The following SLC24A2 variants were observed in gnomAD, a reference collection of about 807,000 sequenced individuals.
SLC24A2 encodes the protein sodium/potassium/calcium exchanger 2.
Under a neutral mutation model 62.0 loss-of-function variants are expected in SLC24A2, and 36 were observed. That is an observed-to-expected ratio of 0.58 (90% CI 0.44 to 0.77). SLC24A2 has a LOEUF of 0.77. Among genes scored for constraint, SLC24A2 ranks in the 30% least tolerant of loss-of-function variants. The pLI is 0.00. For synonymous variants in SLC24A2, 358 were observed against 294.0 expected (o/e 1.22, Z -2.23); for missense variants, 846 against 817.9 (o/e 1.03, Z -0.42).
At chr9:20,081,851 A>G in the SLC24A2 span, among the ~76,000 whole-genome samples, 1 of 152,144 alleles carries the variant, frequency 6.6e-6, no homozygotes, top group Non-Finnish European at 1.5e-5. Context: ...TTTATAACCT[A>G]AACCCAACAT....
chr9:19,658,245 T>G (rs1200069398), intron 2 of SLC24A2, among the ~76,000 whole-genome samples: 1 of 148,114 alleles, frequency 6.8e-6, no homozygotes, highest in Non-Finnish European at 1.5e-5. Context: ...TTCACAAAGG[T>G]GATATCTCTA....
At chr9:19,672,892 G>C (rs1224385485) in intron 2 of SLC24A2, among the ~76,000 whole-genome samples, 1 of 146,308 alleles carries the variant, frequency 6.8e-6, no homozygotes, top group Admixed American at 6.7e-5. Context: ...ACTGTTGTCT[G>C]AGACAGTACT....
the SLC24A2 span, among the ~76,000 whole-genome samples, chr9:20,284,460 T>C: frequency 6.6e-6 from 1 of 152,002 alleles, no homozygotes; most frequent in Non-Finnish European, 1.5e-5. Context: ...ATTATCTTAA[T>C]AACTGCAGAG....
chr9:20,026,016 CAGA>C, the SLC24A2 span, among the ~76,000 whole-genome samples: 1 of 152,284 alleles, frequency 6.6e-6, no homozygotes, highest in African/African-American at 2.4e-5. Context: ...GTTCTCTAGT[CAGA>C]AGAACTTGTT....
the SLC24A2 span, among the ~76,000 whole-genome samples, chr9:19,976,028 C>T: frequency 1.3e-5 from 2 of 152,082 alleles, no homozygotes; most frequent in Admixed American, 1.3e-4. Context: ...AGGCCCGTGG[C>T]ACCACACCCA....
chr9:20,255,457 G>C, the SLC24A2 span, among the ~76,000 whole-genome samples: 1 of 152,178 alleles, frequency 6.6e-6, no homozygotes, highest in South Asian at 2.1e-4. Context: ...CTGCAGTTTG[G>C]GAAGAACTCA....
At chr9:19,785,206 T>C (rs935579461) in intron 2 of SLC24A2, among the ~76,000 whole-genome samples, 1 of 152,240 alleles carries the variant, frequency 6.6e-6, no homozygotes, top group African/African-American at 2.4e-5. Flanking sequence ...TGCTTTCCAC[T>C]CACCTAAGTG....
the SLC24A2 span, among the ~76,000 whole-genome samples, chr9:20,298,536 A>G: frequency 2.6e-5 from 4 of 152,296 alleles, no homozygotes; most frequent in South Asian, 4.2e-4. Flanking sequence ...GTCCAGAAAG[A>G]CTAATTTTCA....
At chr9:19,931,189 G>C in the SLC24A2 span, among the ~76,000 whole-genome samples, 1 of 152,178 alleles carries the variant, frequency 6.6e-6, no homozygotes, top group Admixed American at 6.5e-5. Context: ...TTCCAGCCAA[G>C]TAAGACAATC....
the SLC24A2 span, among the ~76,000 whole-genome samples, chr9:20,110,465 T>G: frequency 6.6e-6 from 1 of 151,980 alleles, no homozygotes; most frequent in African/African-American, 2.4e-5. Context: ...GCACTTTTTT[T>G]TTTCACTCTT....
chr9:19,746,206 C>G (rs2118788775), intron 2 of SLC24A2, among the ~76,000 whole-genome samples: 1 of 151,746 alleles, frequency 6.6e-6, no homozygotes, highest in South Asian at 2.1e-4. Flanking sequence ...CTCTCTTGTT[C>G]TCAGTGCCTA....
the SLC24A2 span, among the ~76,000 whole-genome samples, chr9:20,217,056 A>G: frequency 6.6e-6 from 1 of 152,198 alleles, no homozygotes; most frequent in Non-Finnish European, 1.5e-5. Flanking sequence ...ACCCCCAAAC[A>G]GAAACAATGC....
chr9:20,172,809 C>A, the SLC24A2 span, among the ~76,000 whole-genome samples: 1 of 152,022 alleles, frequency 6.6e-6, no homozygotes. Flanking sequence ...CACTATTTCA[C>A]AAGATAGAGG....
intron 7 of SLC24A2, among the ~76,000 whole-genome samples, chr9:19,560,916 TAGAGAG>T (rs139732950): frequency 0.37 from 43,281 of 118,208 alleles, 7,494 homozygotes; most frequent in Non-Finnish European, 0.44. Flanking sequence ...TATATATATA[TAGAGAG>T]AGAGAGAGAG....
chr9:19,614,396 C>T (rs1473334119), intron 4 of SLC24A2, among the ~76,000 whole-genome samples: 1 of 152,198 alleles, frequency 6.6e-6, no homozygotes, highest in African/African-American at 2.4e-5. Context: ...TAAACCTTCA[C>T]CTAGTCAGGC....
chr9:19,978,175 T>C, the SLC24A2 span, among the ~76,000 whole-genome samples: 1 of 152,164 alleles, frequency 6.6e-6, no homozygotes, highest in Non-Finnish European at 1.5e-5. Context: ...ATTTACAAAA[T>C]AGCCATTTAC....
intron 2 of SLC24A2, among the ~76,000 whole-genome samples, chr9:19,641,026 G>A (rs1818478571): frequency 6.6e-6 from 1 of 152,164 alleles, no homozygotes; most frequent in South Asian, 2.1e-4. Context: ...TAGTTTGGCG[G>A]GAGATCTAAA....
At chr9:20,020,259 G>T in the SLC24A2 span, among the ~76,000 whole-genome samples, 1 of 152,090 alleles carries the variant, frequency 6.6e-6, no homozygotes, top group South Asian at 2.1e-4. Flanking sequence ...CTACTATAAA[G>T]ACACATGCAC....
At chr9:20,229,410 G>T in the SLC24A2 span, among the ~76,000 whole-genome samples, 1 of 152,156 alleles carries the variant, frequency 6.6e-6, no homozygotes, top group African/African-American at 2.4e-5. Flanking sequence ...ACTTACAACA[G>T]TGCCTGGTCT....
Sources: allele counts gnomAD v4.1 joint callset (sites outside exome capture counted in the v4.1 genomes callset), GRCh38; gene constraint gnomAD v4.1.1; transcripts MANE v1.5; gene names NCBI Gene and HGNC (gene_info 2026-07-23, HGNC 2026-07-21).